Variants in GAS7 observed in about 807,000 individuals in gnomAD.
GAS7 encodes the protein growth arrest-specific protein 7.
In GAS7, 28 loss-of-function variants were observed where a neutral mutation model predicts 71.1. That is an observed-to-expected ratio of 0.39 (90% CI 0.29 to 0.54). GAS7 has a LOEUF of 0.54. Among genes scored for constraint, GAS7 ranks in the 20% least tolerant of loss-of-function variants. The pLI is 0.62. For missense variants in GAS7, 436 were observed against 627.8 expected (o/e 0.69, Z 3.27); for synonymous variants, 258 against 245.8 (o/e 1.05, Z -0.46).
At chr17:9,982,872 A>AGAAAGAAAGAAG (rs2152131896) in intron 2 of GAS7, among the ~76,000 whole-genome samples, 1 of 152,130 alleles carries the variant, frequency 6.6e-6, no homozygotes, top group Admixed American at 6.5e-5. Context: ...AAAGAAAGCA[A>AGAAAGAAAGAAG]AGAAAGCAAA....
chr17:10,198,260 T>C lies in GAS7; in HGVS notation c.131A>G (p.Lys44Arg). The C allele has an allele frequency of 6.2e-7, 1 of 1,607,160 alleles. No homozygotes were observed. The highest frequency in any genetic ancestry group is 8.5e-7 in the Non-Finnish European group (1 of 1,179,456). Reference sequence around the variant, plus strand: ...GAACCAGCCACGGAGCCCGTCCTCCTTCTCGCCTTCCCACCAGCCGCCGTC... The same window carrying C: ...GAACCAGCCACGGAGCCCGTCCTCCCTCTCGCCTTCCCACCAGCCGCCGTC... ...VPDGGWWEGE[K>R]EDGLRGWFPA... Residue 44 changes from lysine to arginine, a missense_variant, in exon 1 of 14, where the codon AAG becomes AGG. Lys to Arg is a conservative substitution (Grantham distance 26, BLOSUM62 2). Transcript: ENST00000432992.
At chr17:10,184,637 A>T (rs925739246) in intron 1 of GAS7, among the ~76,000 whole-genome samples, 7 of 152,158 alleles carry the variant, frequency 4.6e-5, no homozygotes, top group Non-Finnish European at 8.8e-5. Flanking sequence ...GTGGTGTAAT[A>T]TGAAATATAT....
chr17:10,054,835 G>A (rs534123223), intron 1 of GAS7, among the ~76,000 whole-genome samples: 7 of 152,250 alleles, frequency 4.6e-5, no homozygotes, highest in South Asian at 4.1e-4. Flanking sequence ...CCACCCACCC[G>A]AGAACTGGGC....
intron 2 of GAS7, among the ~76,000 whole-genome samples, chr17:10,004,966 C>T (rs545575894): frequency 5.9e-5 from 9 of 152,188 alleles, no homozygotes; most frequent in Non-Finnish European, 8.8e-5. Context: ...GCTGAGATCG[C>T]GCCATTGCAC....
chr17:10,099,574 G>C (rs16959306), intron 1 of GAS7, among the ~76,000 whole-genome samples: 4,720 of 151,936 alleles, frequency 0.031, 227 homozygotes, highest in African/African-American at 0.11. Flanking sequence ...ACTTTTTTTT[G>C]GACGGCGGGG....
intron 1 of GAS7, among the ~76,000 whole-genome samples, chr17:10,118,571 T>C (rs535194342): frequency 6.6e-6 from 1 of 151,766 alleles, no homozygotes; most frequent in African/African-American, 2.4e-5. Context: ...ATTAGCCAGG[T>C]GTGATGGAGG....
intron 1 of GAS7, among the ~76,000 whole-genome samples, chr17:10,032,111 GA>G (rs749716743): frequency 0.038 from 2,812 of 74,770 alleles, 63 homozygotes; most frequent in East Asian, 0.21. Flanking sequence ...GGGAACCTCA[GA>G]AAAAAAAAAA....
intron 1 of GAS7, among the ~76,000 whole-genome samples, chr17:10,086,369 T>C (rs1210876404): frequency 6.6e-6 from 1 of 152,158 alleles, no homozygotes; most frequent in African/African-American, 2.4e-5. Context: ...TCTGGGGAGA[T>C]AAGCGGGGTC....
chr17:10,163,946 G>A (rs1048845278), intron 1 of GAS7, among the ~76,000 whole-genome samples: 9 of 152,200 alleles, frequency 5.9e-5, no homozygotes, highest in Non-Finnish European at 1.5e-5. Context: ...ACTGTCTGGT[G>A]CAAAGAAACC....
rs550112688 is a variant in GAS7, at chr17:10,173,182, AGGG to A, written c.183+25023_183+25025del. Among the ~76,000 whole-genome samples the A allele has an allele frequency of 4.0e-3, 612 of 152,296 alleles. 2 individuals carry two copies. The highest frequency in any genetic ancestry group is 6.9e-3 in the Non-Finnish European group (471 of 68,024). ...GTCGCCTGATGCTGGGGGCGGGCGA[AGGG>A]AGGAGAATGGGGAGTGGCTGCTTAA... On this transcript the variant is annotated intron_variant, in intron 1 of 13. Coordinates refer to ENST00000432992, the MANE Select transcript of GAS7 (RefSeq NM_201433.2).
At chr17:9,989,301 AC>A (rs2070756864) in intron 2 of GAS7, among the ~76,000 whole-genome samples, 1 of 151,906 alleles carries the variant, frequency 6.6e-6, no homozygotes, top group East Asian at 1.9e-4. Flanking sequence ...TCTATAAACA[AC>A]CCTTTATTTG....
rs1174770961 is a variant in GAS7 at position 9,960,650 on chromosome 17, G to A, written c.472-1395C>T. ...CACGACCCTGGACACCTGGCCAAAT[G>A]ACCATCTGCAGGTGAGGGCGAGCCT... is the stretch of plus-strand genomic sequence containing the variant. On this transcript the variant is annotated intron_variant, in intron 4 of 13. Coordinates refer to ENST00000432992, the MANE Select transcript of GAS7 (RefSeq NM_201433.2). Among the ~76,000 whole-genome samples, 6 of 152,226 alleles carry A rather than the reference G, an allele frequency of 3.9e-5. 1 individual carries two copies. The highest frequency in any genetic ancestry group is 3.9e-4 in the Admixed American group (6 of 15,284).
At chr17:10,141,769 C>T (rs1261245154) in intron 1 of GAS7, among the ~76,000 whole-genome samples, 1 of 152,114 alleles carries the variant, frequency 6.6e-6, no homozygotes, top group East Asian at 1.9e-4. Context: ...AGATACCATA[C>T]AATGCAACAC....
At position 9,975,817 on chromosome 17, in the gene GAS7, G is replaced by A. The variant is rs140695658; in HGVS notation, c.385+5987C>T. ...GCAACAGCATGCAGCATCCTTCCGC[G>A]CACACAGACGCAGAACCCGTTGAGG... On this transcript the variant is annotated intron_variant, in intron 3 of 13. Transcript: ENST00000432992. 3.7e-4 allele frequency among the ~76,000 whole-genome samples: 57 copies of A among 152,244 alleles called. No individual in the cohort carries two copies. The East Asian group carries it at 8.7e-3, about 23-fold the overall frequency.
At position 9,926,177 on chromosome 17, in the gene GAS7, C is replaced by G. The variant is rs1393681842; in HGVS notation, c.1014+464G>C. The stretch of plus-strand genomic sequence containing the variant: ...TGGGAATCAGTCCCTGGGGCACACT[C>G]TCTTCCCTCTAAGGCTGAACATCAG... On this transcript the variant is annotated intron_variant, in intron 10 of 13. Coordinates refer to ENST00000432992, the MANE Select transcript of GAS7 (RefSeq NM_201433.2). The surrounding 1 kb of genome is among the most constrained non-coding windows in gnomAD (Gnocchi z 5.0). 6.6e-6 allele frequency among the ~76,000 whole-genome samples: 1 copy of G among 152,122 alleles called. No individual in the cohort carries two copies. Among genetic ancestry groups the G allele is most frequent in the East Asian group, 1.9e-4 (1 of 5,166 alleles).
chr17:10,144,839 C>A (rs796246252), intron 1 of GAS7, among the ~76,000 whole-genome samples: 1 of 152,180 alleles, frequency 6.6e-6, no homozygotes, highest in Non-Finnish European at 1.5e-5. Context: ...TGAGCCACTG[C>A]GCCTGGCCAG....
chr17:10,138,715 C>T (rs1016498481), intron 1 of GAS7, among the ~76,000 whole-genome samples: 2 of 151,870 alleles, frequency 1.3e-5, no homozygotes, highest in Admixed American at 6.6e-5. Context: ...TGCAGTAAGC[C>T]GAGATCGTGC....
chr17:10,186,647 C>G (rs919146255), intron 1 of GAS7, among the ~76,000 whole-genome samples: 6 of 152,110 alleles, frequency 3.9e-5, no homozygotes, highest in African/African-American at 1.4e-4. Flanking sequence ...CTCAGATAAT[C>G]CACCCACCTC....
intron 4 of GAS7, among the ~76,000 whole-genome samples, chr17:9,967,502 C>G (rs547837866): frequency 2.6e-5 from 4 of 152,304 alleles, no homozygotes; most frequent in African/African-American, 4.8e-5. Context: ...CAGACGCAGA[C>G]AGAGCCACCG....
Sources: gnomAD v4.1 joint callset for allele counts (sites outside exome capture counted in the v4.1 genomes callset) on GRCh38, gnomAD v4.1.1 for gene constraint, Gnocchi (gnomAD v3.1) non-coding constraint, MANE v1.5 for transcripts, NCBI Gene and HGNC (gene_info 2026-07-23, HGNC 2026-07-21) for gene names.